Variants in PI4K2B observed in about 807,000 individuals in gnomAD.
The protein encoded by PI4K2B is phosphatidylinositol 4-kinase type 2-beta.
Under a neutral mutation model 56.6 loss-of-function variants are expected in PI4K2B, and 46 were observed. The observed-to-expected ratio is 0.81, with a 90% CI of 0.64 to 1.04. The LOEUF (loss-of-function observed/expected upper bound fraction) is 1.04, where lower values mean the gene tolerates loss of function less well. PI4K2B is among the 50% of genes least tolerant of loss of function. The probability of loss-of-function intolerance (pLI) is 0.00; values close to 1 mark genes in which losing one functional copy is unlikely to be tolerated. For missense variants in PI4K2B, 556 were observed against 607.7 expected (o/e 0.91, Z 0.89); for synonymous variants, 211 against 223.8 (o/e 0.94, Z 0.51).
intron 1 of PI4K2B, among the ~76,000 whole-genome samples, chr4:25,241,263 A>G (rs1715509900): frequency 6.6e-6 from 1 of 152,198 alleles, no homozygotes; most frequent in South Asian, 2.1e-4. Context: ...CTAACTGGAC[A>G]CTGGTCCCTG....
At chr4:25,256,113 T>G (rs1022131673) in intron 3 of PI4K2B, among the ~76,000 whole-genome samples, 16 of 152,146 alleles carry the variant, frequency 1.1e-4, no homozygotes, top group Non-Finnish European at 2.4e-4. Context: ...AGATGGAATT[T>G]CTCCATGTTG....
At chr4:25,236,202 C>T (rs1715254022) in intron 1 of PI4K2B, among the ~76,000 whole-genome samples, 1 of 137,900 alleles carries the variant, frequency 7.3e-6, no homozygotes, top group Non-Finnish European at 1.5e-5. Context: ...AAGACTCTGT[C>T]TCAAAAATAA....
At chr4:25,251,298 G>C (rs927471331) in intron 1 of PI4K2B, among the ~76,000 whole-genome samples, 4 of 152,158 alleles carry the variant, frequency 2.6e-5, no homozygotes, top group Non-Finnish European at 5.9e-5. Flanking sequence ...CCTCTCCTGA[G>C]AGAGAGGATG....
intron 1 of PI4K2B, among the ~76,000 whole-genome samples, chr4:25,240,051 A>C (rs769840507): frequency 6.6e-6 from 1 of 152,218 alleles, no homozygotes; most frequent in Non-Finnish European, 1.5e-5. Flanking sequence ...GAGGAAACAA[A>C]TTTGACAAGA....
At chr4:25,273,662 A>G (rs969669737) in intron 9 of PI4K2B, among the ~76,000 whole-genome samples, 1 of 152,214 alleles carries the variant, frequency 6.6e-6, no homozygotes, top group African/African-American at 2.4e-5. Context: ...CGGGGCCCTT[A>G]TCATCTCTCC....
rs1716865476 is a variant in PI4K2B, at chr4:25,270,915, T to C, written c.1272+1712T>C. Among the ~76,000 whole-genome samples, 4 of 152,346 alleles carry C rather than the reference T, an allele frequency of 2.6e-5. No individual in the cohort carries two copies. In the South Asian group the frequency reaches 8.3e-4, roughly 32 times the overall value. ...TGCCACAATACCTGTAGCAAAGAAG[T>C]ACAAGTCCATATAATTACACAGAGA... On this transcript the variant is annotated intron_variant, in intron 9 of 9. Coordinates refer to ENST00000264864, the MANE Select transcript of PI4K2B (RefSeq NM_018323.4).
At chr4:25,243,735 G>A (rs556308315) in intron 1 of PI4K2B, among the ~76,000 whole-genome samples, 208 of 152,288 alleles carry the variant, frequency 1.4e-3, no homozygotes, top group African/African-American at 4.9e-3. Context: ...AAGGCAGAAG[G>A]ATTTTCTTCC....
At chr4:25,257,311 T>G (rs927319580) in intron 4 of PI4K2B, among the ~76,000 whole-genome samples, 3 of 152,010 alleles carry the variant, frequency 2.0e-5, no homozygotes, top group Non-Finnish European at 2.9e-5. Context: ...ATCCTCTCGC[T>G]TTGGCCTCCC....
At chr4:25,252,932 A>G (rs535357845) in intron 2 of PI4K2B, among the ~76,000 whole-genome samples, 32 of 152,288 alleles carry the variant, frequency 2.1e-4, no homozygotes, top group African/African-American at 7.7e-4. Context: ...TGCTTTTACT[A>G]AAGCACTCTA....
At chr4:25,242,005 A>G (rs555114141) in intron 1 of PI4K2B, among the ~76,000 whole-genome samples, 2 of 152,126 alleles carry the variant, frequency 1.3e-5, no homozygotes, top group East Asian at 1.9e-4. Flanking sequence ...GTATCCAGGG[A>G]TGCATAGTCA....
intron 1 of PI4K2B, among the ~76,000 whole-genome samples, chr4:25,239,588 A>G (rs570042211): frequency 8.2e-4 from 125 of 152,252 alleles, no homozygotes; most frequent in African/African-American, 2.9e-3. Flanking sequence ...TGCCACACGC[A>G]ACCCCAGTTC....
chr4:25,263,492 T>G (rs1716552127), intron 6 of PI4K2B, among the ~76,000 whole-genome samples: 1 of 152,118 alleles, frequency 6.6e-6, no homozygotes, highest in Non-Finnish European at 1.5e-5. Flanking sequence ...TCAAGCCTTT[T>G]AAAGAGAAAA....
At chr4:25,241,395 G>A (rs189684297) in intron 1 of PI4K2B, among the ~76,000 whole-genome samples, 4 of 152,322 alleles carry the variant, frequency 2.6e-5, no homozygotes, top group Admixed American at 6.5e-5. Context: ...GATTAGTTAA[G>A]GGGACTTCTA....
rs313549 is a variant in PI4K2B at position 25,234,395 on chromosome 4, T to C, written c.232T>C (p.Ser78Pro). 0.72 allele frequency: 1,000,852 copies of C among 1,386,810 alleles called. 365,318 individuals are homozygous for C. Among genetic ancestry groups the C allele is most frequent in the Non-Finnish European group, 0.74 (793,388 of 1,069,356 alleles). The allele number at this position is 1,386,810 out of a possible 1,614,324, so 85.9% of individuals were successfully genotyped here. A position where few individuals can be genotyped will look rare whatever the true frequency, so the allele number is the denominator to read the frequency against. Residue 78 changes from serine (S) to proline (P), a missense_variant, in exon 1 of 10, where the codon TCC becomes CCC. Ser to Pro is a moderately conservative substitution (Grantham distance 74). Transcript: ENST00000264864. Reference sequence around the variant, plus strand: ...GGACGTGGGGGTCTCCCGGAGTTCGTCCGCCGAGCTGGACCGGAGCCGCCC... The same window carrying C: ...GGACGTGGGGGTCTCCCGGAGTTCGCCCGCCGAGCTGGACCGGAGCCGCCC... ...PGDVGVSRSS[S>P]AELDRSRPAV...
Position 25,239,540 on chromosome 4 carries a change from A to G in PI4K2B, c.268+5109A>G, listed in dbSNP as rs374157136. Among the ~76,000 whole-genome samples the G allele has an allele frequency of 1.8e-4, 11 of 60,268 alleles. No homozygotes were observed. The East Asian group carries it at 3.2e-3, about 17-fold the overall frequency. The allele number at this position is 60,268 out of a possible 152,430, so 39.5% of individuals were successfully genotyped here. A position where few individuals can be genotyped will look rare whatever the true frequency, so the allele number is the denominator to read the frequency against. ...AGCCGCTCCGACTGCGGAACCTGCC[A>G]AGCCCATGCCCACCCGGAACTCGCG... On this transcript the variant is annotated intron_variant, in intron 1 of 9. Transcript: ENST00000264864.
At chr4:25,262,069 G>C (rs1466595007) in intron 6 of PI4K2B, among the ~76,000 whole-genome samples, 3 of 152,150 alleles carry the variant, frequency 2.0e-5, no homozygotes, top group Non-Finnish European at 4.4e-5. Context: ...GCCAAGGTGG[G>C]AGGATTGATT....
chr4:25,268,877 T>C (rs1451977483), intron 8 of PI4K2B, among the ~76,000 whole-genome samples: 1 of 152,234 alleles, frequency 6.6e-6, no homozygotes, highest in East Asian at 1.9e-4. Flanking sequence ...TGCTATGTTT[T>C]AGTTCTCTTA....
rs1250323068 is a variant in PI4K2B at position 25,252,488 on chromosome 4, C to A, written c.423+13C>A. 6.5e-7 allele frequency: 1 copy of A among 1,538,490 alleles called. No individual in the cohort carries two copies. The highest frequency in any genetic ancestry group is 1.1e-5 in the South Asian group (1 of 89,428). On this transcript the variant is annotated intron_variant, in intron 2 of 9. Transcript: ENST00000264864. ...GGATCCTAAGAGGGTGAGAATTTCACAGACCTATTATATGTAATGGAAACT... is the reference window on the plus strand; with the variant it reads ...GGATCCTAAGAGGGTGAGAATTTCAAAGACCTATTATATGTAATGGAAACT...
In PI4K2B at chr4:25,268,541, CA is replaced by C. The variant is rs1452193504; in HGVS notation, c.1179del (p.Asp394IlefsTer27). 3 of 1,592,052 alleles carry C rather than the reference CA, an allele frequency of 1.9e-6. No homozygotes were observed. ...LPYISDMNFV[Q>X]DLCEDLYELF... ...ATATATTTCTGACATGAACTTTGTGCAAGATTTATGTGAAGATCTCTATGAA... is the reference window on the plus strand; with the variant it reads ...ATATATTTCTGACATGAACTTTGTGCAGATTTATGTGAAGATCTCTATGAA... On this transcript the variant is annotated frameshift_variant, in exon 8 of 10. Coordinates refer to ENST00000264864, the MANE Select transcript of PI4K2B (RefSeq NM_018323.4). LOFTEE classifies it high-confidence loss of function.
Sources: allele counts gnomAD v4.1 joint callset (sites outside exome capture counted in the v4.1 genomes callset), GRCh38; gene constraint gnomAD v4.1.1; transcripts MANE v1.5; gene names NCBI Gene and HGNC (gene_info 2026-07-23, HGNC 2026-07-21).